The following ARHGAP6 variants were observed in gnomAD, a reference collection of about 807,000 sequenced individuals.
ARHGAP6 encodes rho GTPase-activating protein 6.
In ARHGAP6, 16 loss-of-function variants were observed where a neutral mutation model predicts 55.7. The observed-to-expected ratio is 0.29, with a 90% CI of 0.19 to 0.44. The LOEUF (loss-of-function observed/expected upper bound fraction) is 0.44. ARHGAP6 is among the 20% of genes least tolerant of loss of function. The pLI, the probability that ARHGAP6 is intolerant of heterozygous loss-of-function variation, is 1.00. For missense variants in ARHGAP6, 698 were observed against 808.9 expected, an observed-to-expected ratio of 0.86 and a Z score of 1.66; for synonymous variants, 382 against 360.9, an observed-to-expected ratio of 1.06 and a Z score of -0.66.
At chrX:11,578,861 C>T (rs1214592767) in intron 1 of ARHGAP6, among the ~76,000 whole-genome samples, 7 of 110,997 alleles carry the variant, frequency 6.3e-5, no homozygotes, top group African/African-American at 9.8e-5. Flanking sequence ...TAAAAAAGGA[C>T]GAGTTCATGT....
intron 1 of ARHGAP6, among the ~76,000 whole-genome samples, chrX:11,632,570 C>A (rs781103062): frequency 3.1e-4 from 35 of 112,437 alleles, no homozygotes; most frequent in African/African-American, 1.1e-3. Context: ...TTTCCTTTAG[C>A]AAATTGCAGC....
At chrX:11,394,888 T>C (rs1156411245) in intron 1 of ARHGAP6, among the ~76,000 whole-genome samples, 1 of 111,688 alleles carries the variant, frequency 9.0e-6, no homozygotes, top group East Asian at 2.8e-4. Flanking sequence ...ACATAATTTA[T>C]GGAGCCCTGA....
chrX:11,619,021 G>C (rs964927882), intron 1 of ARHGAP6, among the ~76,000 whole-genome samples: 1 of 111,840 alleles, frequency 8.9e-6, no homozygotes, highest in Non-Finnish European at 1.9e-5. Flanking sequence ...TTCAAGGAAA[G>C]TGGGTTTTAG....
At chrX:11,276,963 A>G (rs981045216) in intron 1 of ARHGAP6, among the ~76,000 whole-genome samples, 36 of 111,684 alleles carry the variant, frequency 3.2e-4, no homozygotes, top group African/African-American at 1.1e-3. Flanking sequence ...TAGATAGTGT[A>G]CAACCATCAT....
intron 1 of ARHGAP6, among the ~76,000 whole-genome samples, chrX:11,570,937 A>G (rs751934977): frequency 9.0e-6 from 1 of 110,873 alleles, no homozygotes; most frequent in African/African-American, 3.3e-5. Flanking sequence ...GCCTTGTAAA[A>G]GGGCCAGAGG....
chrX:11,287,814 T>C (rs772469367), intron 1 of ARHGAP6, among the ~76,000 whole-genome samples: 3 of 112,392 alleles, frequency 2.7e-5, no homozygotes, highest in African/African-American at 3.2e-5. Flanking sequence ...CAATGAACAA[T>C]AGAATTATTT....
At chrX:11,644,609 A>C in intron 1 of ARHGAP6, among the ~76,000 whole-genome samples, 1 of 110,877 alleles carries the variant, frequency 9.0e-6, no homozygotes, top group Non-Finnish European at 1.9e-5. Flanking sequence ...TGTTAGGGAA[A>C]TTCCAAGCAG....
rs764946319 is a variant in ARHGAP6 at position 11,140,372 on chromosome X, C to T, written c.2258-842G>A. Among the ~76,000 whole-genome samples, 23 of 96,703 alleles carry T rather than the reference C, an allele frequency of 2.4e-4. No homozygotes were observed. The East Asian group carries it at 6.8e-3, about 29-fold the overall frequency. 84.0% of individuals were successfully genotyped at this position (96,703 alleles called of 115,157 possible). On this transcript the variant is annotated intron_variant, in intron 12 of 12. Coordinates refer to ENST00000337414, the MANE Select transcript of ARHGAP6 (RefSeq NM_013427.3). ...GGCGGAGCTTGCAGTGAGCCGAGAT[C>T]GCGCCACTGCACTCCAGCCTGGGTG... is the stretch of plus-strand genomic sequence containing the variant.
At chrX:11,174,643 C>CTTTCTTTCTCTTTCT (rs2046173019) in intron 8 of ARHGAP6, among the ~76,000 whole-genome samples, 1 of 71,641 alleles carries the variant, frequency 1.4e-5, no homozygotes, top group Non-Finnish European at 2.6e-5. Context: ...TTCTTTCTTT[C>CTTTCTTTCTCTTTCT]TTTCTTTCTT....
chrX:11,138,676 A>G lies in ARHGAP6; in HGVS notation c.*187T>C. ...TGTTTTTCCTAAGGCTGGCTACGCAATGGAACCTTATTCTCAATGGCGGGG... is the reference window on the plus strand; with the variant it reads ...TGTTTTTCCTAAGGCTGGCTACGCAGTGGAACCTTATTCTCAATGGCGGGG... On this transcript the variant is annotated 3_prime_UTR_variant, in exon 13 of 13. Coordinates refer to ENST00000337414, the MANE Select transcript of ARHGAP6 (RefSeq NM_013427.3). 3 of 485,723 alleles carry G rather than the reference A, an allele frequency of 6.2e-6. No homozygotes were observed. Among genetic ancestry groups the G allele is most frequent in the South Asian group, 6.9e-5 (2 of 29,098 alleles). The allele number at this position is 485,723 out of a possible 1,213,427, so 40.0% of individuals were successfully genotyped here. A position where few individuals can be genotyped will look rare whatever the true frequency, so the allele number is the denominator to read the frequency against.
chrX:11,490,904 C>G (rs1263082430), intron 1 of ARHGAP6, among the ~76,000 whole-genome samples: 1 of 112,484 alleles, frequency 8.9e-6, no homozygotes, highest in African/African-American at 3.2e-5. Context: ...CAGATAAAAA[C>G]TTAACCATTT....
At chrX:11,497,737 T>C (rs2050638212) in intron 1 of ARHGAP6, among the ~76,000 whole-genome samples, 1 of 110,603 alleles carries the variant, frequency 9.0e-6, no homozygotes, top group Admixed American at 9.8e-5. Context: ...AGCCACCCAG[T>C]CCGTGGTATT....
intron 2 of ARHGAP6, among the ~76,000 whole-genome samples, chrX:11,237,422 C>T: frequency 8.9e-6 from 1 of 111,884 alleles, no homozygotes; most frequent in Middle Eastern, 4.6e-3. Context: ...ACATACATAT[C>T]TAGAGTTCCA....
intron 1 of ARHGAP6, among the ~76,000 whole-genome samples, chrX:11,569,747 A>G (rs1361882450): frequency 9.0e-6 from 1 of 111,268 alleles, no homozygotes; most frequent in Non-Finnish European, 1.9e-5. Flanking sequence ...TCCTTCTGAC[A>G]CCTCTGTCCT....
At chrX:11,491,362 A>C (rs1177620869) in intron 1 of ARHGAP6, among the ~76,000 whole-genome samples, 76 of 86,789 alleles carry the variant, frequency 8.8e-4, no homozygotes, top group African/African-American at 1.9e-3. Flanking sequence ...ATCCCTCCCC[A>C]CTCCCCCCAC....
At chrX:11,387,777 C>T (rs2049348400) in intron 1 of ARHGAP6, among the ~76,000 whole-genome samples, 1 of 110,637 alleles carries the variant, frequency 9.0e-6, no homozygotes, top group African/African-American at 3.3e-5. Context: ...TTGTTCAATT[C>T]CCACCTATGA....
rs781616709 is a variant in ARHGAP6 at position 11,534,477 on chromosome X, C to T, written c.588+129764G>A. On this transcript the variant is annotated intron_variant, in intron 1 of 12. Coordinates refer to ENST00000337414, the MANE Select transcript of ARHGAP6 (RefSeq NM_013427.3). ...TCCTGTGCATCATAGAATGTTTGAC[C>T]ACATCCCTGGCCTCTACCCACTAGA... 4.5e-5 allele frequency among the ~76,000 whole-genome samples: 5 copies of T among 110,549 alleles called. No homozygotes were observed. In the Admixed American group the frequency reaches 4.8e-4, roughly 11 times the overall value.
chrX:11,568,569 C>T (rs2051473483), intron 1 of ARHGAP6, among the ~76,000 whole-genome samples: 2 of 111,015 alleles, frequency 1.8e-5, no homozygotes, highest in Non-Finnish European at 3.8e-5. Context: ...CCAGCCTGGC[C>T]AACATGGCAA....
intron 1 of ARHGAP6, among the ~76,000 whole-genome samples, chrX:11,612,765 A>T (rs2052117968): frequency 8.9e-6 from 1 of 112,317 alleles, no homozygotes; most frequent in Admixed American, 9.4e-5. Context: ...GTCTATAATA[A>T]CTCAGCATCC....
Sources: allele counts gnomAD v4.1 joint callset (sites outside exome capture counted in the v4.1 genomes callset), GRCh38; gene constraint gnomAD v4.1.1; transcripts MANE v1.5; gene names NCBI Gene and HGNC (gene_info 2026-07-23, HGNC 2026-07-21).